Variants in NCAM1 observed in about 807,000 individuals in gnomAD.
NCAM1 encodes the protein antigen recognized by monoclonal antibody 5.1H11.
Under a neutral mutation model 109.8 loss-of-function variants are expected in NCAM1, and 14 were observed. That is an observed-to-expected ratio of 0.13 (90% confidence interval 0.08 to 0.20). NCAM1 has a LOEUF of 0.20. NCAM1 is among the 10% of genes least tolerant of loss of function. The pLI, the probability that NCAM1 is intolerant of heterozygous loss-of-function variation, is 1.00. For missense variants in NCAM1, 774 were observed against 1,109.9 expected (o/e 0.70, Z 4.30); for synonymous variants, 418 against 442.9 (o/e 0.94, Z 0.70).
At chr11:113,003,978 G>A (rs1412307026) in intron 1 of NCAM1, 1 of 152,252 alleles carries the variant, frequency 6.6e-6, no homozygotes, top group East Asian at 1.9e-4. Flanking sequence ...TTTTAAGGAC[G>A]GTTGTCTTCA....
At chr11:113,208,497 A>AG (rs1456052097) in intron 7 of NCAM1, among the ~76,000 whole-genome samples, 1 of 151,736 alleles carries the variant, frequency 6.6e-6, no homozygotes, top group African/African-American at 2.4e-5. Flanking sequence ...TCACTGCCCT[A>AG]GGTTTCTCTT....
chr11:113,277,114 A>T lies in NCAM1; in HGVS notation c.*1727A>T, dbSNP rs1591482076. 8 of 380,532 alleles carry T rather than the reference A, an allele frequency of 2.1e-5. No homozygotes were observed. Among genetic ancestry groups the T allele is most frequent in the African/African-American group, 8.3e-5 (4 of 48,192 alleles). 23.6% of individuals were successfully genotyped at this position (380,532 alleles called of 1,614,324 possible). A position where few individuals can be genotyped will look rare whatever the true frequency, so the allele number is the denominator to read the frequency against. On this transcript the variant is annotated 3_prime_UTR_variant, in exon 20 of 20. Coordinates refer to ENST00000316851, the MANE Select transcript of NCAM1 (RefSeq NM_181351.5). ...ATACAGATGATGATGATGATGATGAAGATGATGCTAAGTAAACAGAAATCA... is the reference window on the plus strand; with the variant it reads ...ATACAGATGATGATGATGATGATGATGATGATGCTAAGTAAACAGAAATCA...
At chr11:113,025,591 G>C (rs10750022) in intron 1 of NCAM1, among the ~76,000 whole-genome samples, 1,528 of 151,816 alleles carry the variant, frequency 0.01, 24 homozygotes, top group African/African-American at 0.034. Context: ...CAGAGAGTAA[G>C]TGAGCAGAGA....
At chr11:113,017,091 A>T (rs919776642) in intron 1 of NCAM1, among the ~76,000 whole-genome samples, 7 of 152,208 alleles carry the variant, frequency 4.6e-5, no homozygotes, top group African/African-American at 1.7e-4. Context: ...GCAACAACCT[A>T]TGAATCAGAG....
intron 1 of NCAM1, among the ~76,000 whole-genome samples, chr11:113,049,481 T>A (rs1178986927): frequency 6.6e-6 from 1 of 152,176 alleles, no homozygotes; most frequent in Non-Finnish European, 1.5e-5. Flanking sequence ...TAATAATAAT[T>A]AACTATATCT....
At chr11:113,228,713 T>C (rs376213434) in intron 9 of NCAM1, among the ~76,000 whole-genome samples, 1 of 152,214 alleles carries the variant, frequency 6.6e-6, no homozygotes, top group African/African-American at 2.4e-5. Flanking sequence ...CAAAGCAGCA[T>C]GGTACTGGTA....
intron 1 of NCAM1, among the ~76,000 whole-genome samples, chr11:113,122,631 A>T (rs1201741816): frequency 6.6e-6 from 1 of 152,090 alleles, no homozygotes; most frequent in Non-Finnish European, 1.5e-5. Flanking sequence ...TAAAATACAA[A>T]AAATTAGCCA....
At chr11:113,089,911 A>G (rs1939263502) in intron 1 of NCAM1, among the ~76,000 whole-genome samples, 1 of 152,226 alleles carries the variant, frequency 6.6e-6, no homozygotes, top group African/African-American at 2.4e-5. Flanking sequence ...AAGTAATTGG[A>G]AAGGTTCTTG....
At chr11:113,143,716 C>T (rs1441418671) in intron 1 of NCAM1, among the ~76,000 whole-genome samples, 7 of 152,180 alleles carry the variant, frequency 4.6e-5, no homozygotes, top group Admixed American at 6.5e-5. Context: ...GGGCTGGAAT[C>T]GAATGCTTGG....
intron 1 of NCAM1, among the ~76,000 whole-genome samples, chr11:113,026,393 C>T (rs533334378): frequency 6.2e-4 from 94 of 152,246 alleles, no homozygotes; most frequent in Non-Finnish European, 1.1e-3. Flanking sequence ...TTTGAGGAAA[C>T]GGAATGTCTC....
intron 17 of NCAM1, 199 bp downstream of exon 17, chr11:113,260,522 G>A: frequency 1.8e-6 from 1 of 559,474 alleles, no homozygotes; most frequent in Non-Finnish European, 3.0e-6. Context: ...GGAAGGCTTG[G>A]CCAAGCATCC....
At chr11:112,971,866 T>A (rs1950891544) in intron 1 of NCAM1, among the ~76,000 whole-genome samples, 1 of 152,148 alleles carries the variant, frequency 6.6e-6, no homozygotes, top group South Asian at 2.1e-4. Flanking sequence ...AAATCAAATT[T>A]TGTGTACTGC....
intron 1 of NCAM1, among the ~76,000 whole-genome samples, chr11:112,990,281 C>A (rs1284836393): frequency 6.6e-6 from 1 of 152,110 alleles, no homozygotes; most frequent in Non-Finnish European, 1.5e-5. Flanking sequence ...GGTCCTTGGG[C>A]AAACATTACT....
rs191987882 is a variant in NCAM1, at chr11:113,004,222, C to T, written c.52+42558C>T. Among the ~76,000 whole-genome samples, 715 of 152,268 alleles carry T rather than the reference C, an allele frequency of 4.7e-3. 5 individuals are homozygous for T. Among genetic ancestry groups the T allele is most frequent in the South Asian group, 9.3e-3 (45 of 4,824 alleles). The stretch of plus-strand genomic sequence containing the variant: ...AAAAATGTTTTCTTGTGGCCGGGCG[C>T]GGTGGCTCACGCCTGTAATCGCAGC... On this transcript the variant is annotated intron_variant, in intron 1 of 19. Transcript: ENST00000316851.
chr11:113,182,358 G>A (rs558532473), intron 1 of NCAM1, among the ~76,000 whole-genome samples: 1 of 152,286 alleles, frequency 6.6e-6, no homozygotes, highest in East Asian at 1.9e-4. Context: ...TGTGGAGCGT[G>A]GATCTGTTCC....
chr11:113,073,286 A>C (rs561835279), intron 1 of NCAM1, among the ~76,000 whole-genome samples: 1 of 152,016 alleles, frequency 6.6e-6, no homozygotes, highest in Non-Finnish European at 1.5e-5. Flanking sequence ...CTGCATCTCT[A>C]TGGAGAAAAA....
At chr11:113,090,921 T>C (rs1332650168) in intron 1 of NCAM1, among the ~76,000 whole-genome samples, 4 of 152,180 alleles carry the variant, frequency 2.6e-5, no homozygotes, top group African/African-American at 9.7e-5. Flanking sequence ...AGTCATTCTC[T>C]TGAGCTCACA....
intron 1 of NCAM1, among the ~76,000 whole-genome samples, chr11:113,137,684 C>T (rs1264985374): frequency 7.2e-5 from 11 of 152,170 alleles, no homozygotes; most frequent in Non-Finnish European, 2.9e-5. Context: ...TGGTGCACAA[C>T]TAATTAGAAC....
chr11:112,972,920 A>C (rs1037371624), intron 1 of NCAM1, among the ~76,000 whole-genome samples: 2 of 152,118 alleles, frequency 1.3e-5, no homozygotes, highest in Non-Finnish European at 2.9e-5. Flanking sequence ...GCATTGAACT[A>C]TGCATCACCA....
Sources: gnomAD v4.1 joint callset for allele counts (sites outside exome capture counted in the v4.1 genomes callset) on GRCh38, gnomAD v4.1.1 for gene constraint, MANE v1.5 for transcripts, NCBI Gene and HGNC (gene_info 2026-07-23, HGNC 2026-07-21) for gene names.